ENTPD5: variants seen among roughly 807,000 people sequenced by gnomAD.
ENTPD5 encodes the protein nucleoside diphosphate phosphatase ENTPD5.
A neutral mutation model predicts 60.2 loss-of-function variants in ENTPD5; 49 were observed. The ratio of observed to expected loss-of-function variants is 0.81; its 90% CI spans 0.65 to 1.03. The LOEUF (loss-of-function observed/expected upper bound fraction) is 1.03, where lower values mean the gene tolerates loss of function less well. Ranked by LOEUF, ENTPD5 falls within the 50% of genes least tolerant of loss-of-function variation. ENTPD5 has a pLI of 0.00. For missense variants in ENTPD5, 480 were observed against 507.6 expected (o/e 0.95, Z 0.52); for synonymous variants, 187 against 185.4 (o/e 1.01, Z -0.07).
At chr14:73,987,557 C>T (rs1406382294) in intron 4 of ENTPD5, among the ~76,000 whole-genome samples, 1 of 151,990 alleles carries the variant, frequency 6.6e-6, no homozygotes, top group African/African-American at 2.4e-5. Context: ...CCTGTAGTCT[C>T]AACAACTCAG....
intron 6 of ENTPD5, among the ~76,000 whole-genome samples, chr14:73,982,363 C>T (rs1322200543): frequency 6.6e-6 from 1 of 152,116 alleles, no homozygotes; most frequent in Non-Finnish European, 1.5e-5. Context: ...GTGTGAGCCA[C>T]CGTGCCCAGC....
At chr14:74,012,418 A>C (rs2058875167) in intron 2 of ENTPD5, among the ~76,000 whole-genome samples, 1 of 152,160 alleles carries the variant, frequency 6.6e-6, no homozygotes, top group African/African-American at 2.4e-5. Context: ...GGACTCATTC[A>C]TCTTTGAACA....
chr14:74,000,439 G>A (rs1316255006), intron 3 of ENTPD5, among the ~76,000 whole-genome samples: 2 of 150,534 alleles, frequency 1.3e-5, no homozygotes, highest in African/African-American at 2.5e-5. Context: ...CAGCCTGGGT[G>A]ACAAGACTGA....
intron 3 of ENTPD5, chr14:74,003,472 A>AAACCG (rs2058571191): frequency 7.0e-7 from 1 of 1,429,364 alleles, no homozygotes; most frequent in African/African-American, 1.4e-5. Flanking sequence ...AGGTCCAAGT[A>AAACCG]AACCGCTAGC....
At chr14:73,962,855 A>T, downstream of ENTPD5, 1 of 900,150 alleles carries the variant, frequency 1.1e-6, no homozygotes, top group Admixed American at 2.2e-5. Flanking sequence ...TTCTTTTTTT[A>T]GCTGAAATAA....
At chr14:73,968,946 G>A (rs1431347756) in intron 15 of ENTPD5, among the ~76,000 whole-genome samples, 2 of 152,196 alleles carry the variant, frequency 1.3e-5, no homozygotes, top group Non-Finnish European at 2.9e-5. Flanking sequence ...TAAGATTCAA[G>A]AGGCATTAAA....
intron 6 of ENTPD5, 49 bp downstream of exon 6, chr14:73,982,969 C>T: frequency 6.3e-7 from 1 of 1,584,266 alleles, no homozygotes; most frequent in Non-Finnish European, 8.6e-7. Context: ...ATAAAGTATT[C>T]ATATAGGGAA....
chr14:73,995,695 C>A (rs1490087362), intron 3 of ENTPD5, among the ~76,000 whole-genome samples: 1 of 151,970 alleles, frequency 6.6e-6, no homozygotes, highest in Non-Finnish European at 1.5e-5. Flanking sequence ...GTTTTCCCCA[C>A]ATTTGTTATA....
intron 3 of ENTPD5, chr14:74,003,595 C>A (rs2058575529): frequency 3.6e-6 from 2 of 555,892 alleles, no homozygotes; most frequent in Non-Finnish European, 6.7e-6. Context: ...CTCAATGGAT[C>A]CAGAACTTCA....
chr14:74,016,894 T>C (rs2059030770), intron 1 of ENTPD5, among the ~76,000 whole-genome samples: 1 of 152,220 alleles, frequency 6.6e-6, no homozygotes, highest in Non-Finnish European at 1.5e-5. Context: ...AGTGTGCTTT[T>C]TCAGAACCTT....
chr14:74,006,178 A>G (rs4903170), intron 3 of ENTPD5, among the ~76,000 whole-genome samples: 144,379 of 152,098 alleles, frequency 0.95, 68,571 homozygotes, highest in East Asian at 1. Flanking sequence ...AGTAGAGACA[A>G]AGCGGGGTTT....
intron 3 of ENTPD5, among the ~76,000 whole-genome samples, chr14:74,002,849 CT>C (rs2058552538): frequency 1.3e-5 from 2 of 152,138 alleles, no homozygotes; most frequent in South Asian, 4.1e-4. Flanking sequence ...AAACAAGGTC[CT>C]GAAAATAGCC....
chr14:74,018,610 G>A (rs1458348126), intron 1 of ENTPD5: 2 of 152,260 alleles, frequency 1.3e-5, no homozygotes, highest in Non-Finnish European at 2.9e-5. Context: ...GCAACTTTCA[G>A]GAAAGAAGGC....
downstream of ENTPD5, chr14:73,959,269 T>C (rs2056590788): frequency 1.2e-6 from 2 of 1,614,100 alleles, no homozygotes; most frequent in Middle Eastern, 1.6e-4. Context: ...ATGCAAGCCT[T>C]TCCTCTTCAC....
intron 13 of ENTPD5, 148 bp from the exon 14 acceptor site, chr14:73,972,056 A>G (rs1172680328): frequency 3.2e-6 from 2 of 631,022 alleles, no homozygotes; most frequent in Non-Finnish European, 5.6e-6. Context: ...TGTTATGTAT[A>G]TTTAACCACA....
At chr14:73,991,621 A>C (rs890494808) in intron 3 of ENTPD5, among the ~76,000 whole-genome samples, 14 of 132,964 alleles carry the variant, frequency 1.1e-4, no homozygotes, top group African/African-American at 3.6e-4. Flanking sequence ...AAAAAAAAAA[A>C]AAAAACAATT....
At chr14:73,956,860 T>C (rs2056460205), downstream of ENTPD5, 1 of 152,156 alleles carries the variant, frequency 6.6e-6, no homozygotes, top group Non-Finnish European at 1.5e-5. Context: ...CAGTGAACCA[T>C]GATGTAGCTT....
intron 6 of ENTPD5, 123 bp downstream of exon 6, chr14:73,982,895 C>T (rs767297638): frequency 2.1e-6 from 2 of 968,908 alleles, no homozygotes; most frequent in Non-Finnish European, 3.1e-6. Flanking sequence ...TCAGAGTCAT[C>T]ACAATGCTTT....
chr14:73,979,982 T>C (rs1339459871), intron 6 of ENTPD5, among the ~76,000 whole-genome samples: 1 of 149,754 alleles, frequency 6.7e-6, no homozygotes, highest in African/African-American at 2.5e-5. Flanking sequence ...GTTTCACTCT[T>C]GTCACCCAGG....
Sources: gnomAD v4.1 joint callset for allele counts (sites outside exome capture counted in the v4.1 genomes callset) on GRCh38, gnomAD v4.1.1 for gene constraint, MANE v1.5 for transcripts, NCBI Gene and HGNC (gene_info 2026-07-23, HGNC 2026-07-21) for gene names.